PRMT8: variants seen among roughly 807,000 people sequenced by gnomAD.
PRMT8 encodes the protein protein arginine methyltransferase 8.
A neutral mutation model predicts 47.1 loss-of-function variants in PRMT8; 7 were observed. The observed-to-expected ratio is 0.15, with a 90% confidence interval of 0.08 to 0.28. The LOEUF is 0.28. Ranked by LOEUF, PRMT8 falls within the 10% of genes least tolerant of loss-of-function variation. The pLI, the probability that PRMT8 is intolerant of heterozygous loss-of-function variation, is 1.00. For missense variants in PRMT8, 237 were observed against 505.4 expected, an observed-to-expected ratio of 0.47 and a Z score of 5.09; for synonymous variants, 188 against 186.5, an observed-to-expected ratio of 1.01 and a Z score of -0.07.
Position 3,569,402 on chromosome 12 carries a change from A to G in PRMT8, c.625-75A>G, listed in dbSNP as rs3825339. 9.5e-3 allele frequency: 11,562 copies of G among 1,219,408 alleles called. 1,041 individuals are homozygous for G. The East Asian group carries it at 0.21, about 23-fold the overall frequency. The allele number at this position is 1,219,408 out of a possible 1,614,324, so 75.5% of individuals were successfully genotyped here. On this transcript the variant is annotated intron_variant, in intron 5 of 9. Transcript: ENST00000382622. This position sits in a 1 kb window ranked among gnomAD's most constrained non-coding sequence, Gnocchi z 8.2. ...AAGGGGGTGCTTGTCTGGTGACTCT[A>G]TGTGCAGTTCAAAATGTGATGTCTT...
chr12:3,411,475 G>C (rs1184451178), intron 1 of PRMT8, among the ~76,000 whole-genome samples: 1 of 152,290 alleles, frequency 6.6e-6, no homozygotes, highest in Non-Finnish European at 1.5e-5. Context: ...ACATACTGGA[G>C]GTGGAACTTT....
intron 8 of PRMT8, among the ~76,000 whole-genome samples, chr12:3,590,233 G>A (rs939779395): frequency 3.3e-5 from 5 of 152,310 alleles, no homozygotes; most frequent in East Asian, 1.9e-4. Flanking sequence ...ATGCACACAC[G>A]GAGGGCTACT....
intron 1 of PRMT8, among the ~76,000 whole-genome samples, chr12:3,441,448 C>G (rs997396256): frequency 6.6e-6 from 1 of 152,220 alleles, no homozygotes; most frequent in Non-Finnish European, 1.5e-5. Context: ...TTCCTTTGCA[C>G]TTGCTGTTCC....
At chr12:3,404,112 G>A (rs908171310) in intron 1 of PRMT8, among the ~76,000 whole-genome samples, 4 of 152,056 alleles carry the variant, frequency 2.6e-5, no homozygotes, top group African/African-American at 7.2e-5. Flanking sequence ...ATGAAATGTT[G>A]TAGATACTGT....
At chr12:3,402,604 G>A (rs1429743440) in intron 1 of PRMT8, among the ~76,000 whole-genome samples, 1 of 152,058 alleles carries the variant, frequency 6.6e-6, no homozygotes, top group East Asian at 1.9e-4. Context: ...TAGTCTATAA[G>A]GAACTTAAAC....
chr12:3,402,710 T>C (rs1864330534), intron 1 of PRMT8, among the ~76,000 whole-genome samples: 1 of 152,080 alleles, frequency 6.6e-6, no homozygotes, highest in South Asian at 2.1e-4. Context: ...AACAAACATA[T>C]GAGAAAAAGC....
intron 6 of PRMT8, among the ~76,000 whole-genome samples, chr12:3,573,706 A>G (rs1866890865): frequency 1.3e-5 from 2 of 152,160 alleles, no homozygotes; most frequent in Non-Finnish European, 1.5e-5. Context: ...TGTTGCTTTA[A>G]TTACATACAT....
In PRMT8 at chr12:3,553,223, G is replaced by A. The variant is rs1436971453; in HGVS notation, c.418-428G>A. 1.8e-5 allele frequency: 4 copies of A among 225,154 alleles called. No homozygotes were observed. In the South Asian group the frequency reaches 2.4e-4, roughly 14 times the overall value. 13.9% of individuals were successfully genotyped at this position (225,154 alleles called of 1,614,324 possible). A position where few individuals can be genotyped will look rare whatever the true frequency, so the allele number is the denominator to read the frequency against. On this transcript the variant is annotated intron_variant, in intron 3 of 9. Coordinates refer to ENST00000382622, the MANE Select transcript of PRMT8 (RefSeq NM_019854.5). ...ATGGTCCCATCCTGGCACGCGGCTC[G>A]TTTACCCTGGAAGGGCTGGGCTGCG... is the stretch of plus-strand genomic sequence containing the variant.
At chr12:3,467,685 C>A (rs920374835) in intron 1 of PRMT8, among the ~76,000 whole-genome samples, 1 of 152,258 alleles carries the variant, frequency 6.6e-6, no homozygotes, top group Non-Finnish European at 1.5e-5. Flanking sequence ...ACACTTACAA[C>A]ATTCAACCAG....
intron 1 of PRMT8, among the ~76,000 whole-genome samples, chr12:3,397,042 G>A (rs1363409939): frequency 4.0e-5 from 6 of 151,600 alleles, no homozygotes; most frequent in East Asian, 1.9e-4. Flanking sequence ...CGTAGTTCTC[G>A]AGCCTTGGTT....
chr12:3,438,573 G>A (rs1042538843), intron 1 of PRMT8, among the ~76,000 whole-genome samples: 2 of 152,328 alleles, frequency 1.3e-5, no homozygotes, highest in South Asian at 2.1e-4. Context: ...CTCCCACGAG[G>A]CCTCAGAGCC....
At chr12:3,471,422 A>G (rs984843294) in intron 1 of PRMT8, among the ~76,000 whole-genome samples, 1 of 152,180 alleles carries the variant, frequency 6.6e-6, no homozygotes, top group African/African-American at 2.4e-5. Flanking sequence ...TCTGGAAATC[A>G]AAAGGCCACC....
chr12:3,558,225 T>TCTCCCCTTC (rs374753779), intron 4 of PRMT8, among the ~76,000 whole-genome samples: 3,653 of 151,406 alleles, frequency 0.024, 162 homozygotes, highest in African/African-American at 0.084. Context: ...ACCATAGGGC[T>TCTCCCCTTC]CTCCCCTTCC....
Position 3,552,541 on chromosome 12 carries a change from G to A in PRMT8, c.418-1110G>A, listed in dbSNP as rs532177768. 6.1e-6 allele frequency: 2 copies of A among 328,084 alleles called. No homozygotes were observed. The highest frequency in any genetic ancestry group is 1.2e-5 in the Non-Finnish European group (2 of 162,862). The allele number at this position is 328,084 out of a possible 1,614,324, so 20.3% of individuals were successfully genotyped here. On this transcript the variant is annotated intron_variant, in intron 3 of 9. Coordinates refer to ENST00000382622, the MANE Select transcript of PRMT8 (RefSeq NM_019854.5). The surrounding 1 kb of genome is among the most constrained non-coding windows in gnomAD (Gnocchi z 4.5). ...AGATCAGATGATGACATGGCCAGAG[G>A]GGGAGAAGAAGAGGAGGGAATCACA...
At chr12:3,410,156 G>A (rs1228162966) in intron 1 of PRMT8, among the ~76,000 whole-genome samples, 1 of 152,160 alleles carries the variant, frequency 6.6e-6, no homozygotes, top group Non-Finnish European at 1.5e-5. Context: ...CTTGAAATTT[G>A]AGGCATCTGC....
chr12:3,579,086 A>G (rs947569913), intron 7 of PRMT8, among the ~76,000 whole-genome samples: 4 of 152,192 alleles, frequency 2.6e-5, no homozygotes, highest in Non-Finnish European at 4.4e-5. Flanking sequence ...CTAAACAAGA[A>G]CAAGGAAAGT....
chr12:3,540,613 G>GGGCCC lies in PRMT8; in HGVS notation c.83_84insGGCCC (p.Ser28ArgfsTer40). The GGGCCC allele has an allele frequency of 8.8e-7, 1 of 1,130,522 alleles. No homozygotes were observed. The highest frequency in any genetic ancestry group is 1.3e-6 in the Non-Finnish European group (1 of 752,492). The allele number at this position is 1,130,522 out of a possible 1,614,324, so 70.0% of individuals were successfully genotyped here. A position where few individuals can be genotyped will look rare whatever the true frequency, so the allele number is the denominator to read the frequency against. On this transcript the variant is annotated frameshift_variant, in exon 2 of 10. Transcript: ENST00000382622. LOFTEE classifies it high-confidence loss of function. Reference sequence around the variant, plus strand: ...CCCTTCTCTTCCCCTCAGGTGAACAGCCCCCCCTCCCAGCCCCCCCAGCCC... The same window carrying GGGCCC: ...CCCTTCTCTTCCCCTCAGGTGAACAGGGCCCCCCCCCCTCCCAGCCCCCCCAGCCC...
chr12:3,440,527 C>T (rs1864789488), intron 1 of PRMT8, among the ~76,000 whole-genome samples: 1 of 151,926 alleles, frequency 6.6e-6, no homozygotes, highest in Non-Finnish European at 1.5e-5. Flanking sequence ...TATCCTTTCC[C>T]CAGTAACATA....
At chr12:3,540,514 C>A in intron 1 of PRMT8, 92 bp from the exon 2 acceptor site, 1 of 864,278 alleles carries the variant, frequency 1.2e-6, no homozygotes, top group Non-Finnish European at 1.9e-6. Context: ...TGAGGCCGGG[C>A]TCAGGGAGGG....
Sources: allele counts gnomAD v4.1 joint callset (sites outside exome capture counted in the v4.1 genomes callset), GRCh38; gene constraint gnomAD v4.1.1; non-coding constraint Gnocchi (gnomAD v3.1); transcripts MANE v1.5; gene names NCBI Gene and HGNC (gene_info 2026-07-23, HGNC 2026-07-21).